The following CLSTN2 variants were observed in gnomAD, a reference collection of about 807,000 sequenced individuals.
CLSTN2 encodes calsyntenin-2.
CLSTN2 carries 48 observed loss-of-function variants against 101.2 expected under a neutral mutation model. The ratio of observed to expected loss-of-function variants is 0.47; its 90% CI spans 0.38 to 0.60. The LOEUF (loss-of-function observed/expected upper bound fraction) is 0.60. Ranked by LOEUF, CLSTN2 falls within the 20% of genes least tolerant of loss-of-function variation. CLSTN2 has a pLI of 0.00. For synonymous variants in CLSTN2, 481 were observed against 463.6 expected (o/e 1.04, Z -0.48); for missense variants, 1,160 against 1,238.2 (o/e 0.94, Z 0.95).
At chr3:140,067,131 C>G (rs547105840) in intron 1 of CLSTN2, among the ~76,000 whole-genome samples, 1 of 152,208 alleles carries the variant, frequency 6.6e-6, no homozygotes, top group Admixed American at 6.5e-5. Context: ...AGTATACAAG[C>G]TCTCTGGGCC....
At chr3:140,292,246 G>C (rs1347179575) in intron 2 of CLSTN2, among the ~76,000 whole-genome samples, 1 of 152,136 alleles carries the variant, frequency 6.6e-6, no homozygotes, top group Non-Finnish European at 1.5e-5. Flanking sequence ...TGCATGTGCT[G>C]CTCCTCCTCC....
intron 2 of CLSTN2, among the ~76,000 whole-genome samples, chr3:140,252,885 T>C (rs1225972922): frequency 6.6e-6 from 1 of 151,716 alleles, no homozygotes; most frequent in East Asian, 1.9e-4. Flanking sequence ...ACCCAGCTCA[T>C]CTGATGAAAG....
At chr3:140,037,478 A>G (rs1001804019) in intron 1 of CLSTN2, among the ~76,000 whole-genome samples, 15 of 152,206 alleles carry the variant, frequency 9.9e-5, no homozygotes, top group Admixed American at 2.6e-4. Context: ...TATTTAAAAA[A>G]ATAATCTGGA....
Position 140,156,691 on chromosome 3 carries a change from T to C in CLSTN2, c.110-19260T>C, listed in dbSNP as rs72986188. The stretch of plus-strand genomic sequence containing the variant: ...AGGTGAGACTCCTCTGACAGTTGAC[T>C]TTGACTTGAGGACACTGTAGGTGTT... On this transcript the variant is annotated intron_variant, in intron 1 of 16. Coordinates refer to ENST00000458420, the MANE Select transcript of CLSTN2 (RefSeq NM_022131.3). Among the ~76,000 whole-genome samples, 1,494 of 152,310 alleles carry C rather than the reference T, an allele frequency of 9.8e-3. 17 individuals are homozygous for C. The highest frequency in any genetic ancestry group is 0.034 in the African/African-American group (1,421 of 41,560).
intron 2 of CLSTN2, among the ~76,000 whole-genome samples, chr3:140,321,942 C>T (rs1436758735): frequency 6.6e-6 from 1 of 152,168 alleles, no homozygotes; most frequent in Non-Finnish European, 1.5e-5. Context: ...AGCACTTGGA[C>T]CAGAGCATCC....
At chr3:140,556,683 T>C in intron 11 of CLSTN2, 22 bp downstream of exon 11, 1 of 1,609,464 alleles carries the variant, frequency 6.2e-7, no homozygotes, top group Non-Finnish European at 8.5e-7. Flanking sequence ...CTGGTCAGCC[T>C]GGGGCCAACT....
intron 1 of CLSTN2, among the ~76,000 whole-genome samples, chr3:140,174,850 A>G (rs2010296305): frequency 6.6e-6 from 1 of 152,194 alleles, no homozygotes; most frequent in South Asian, 2.1e-4. Context: ...GAGCCAAACC[A>G]TATCACTGGG....
intron 1 of CLSTN2, among the ~76,000 whole-genome samples, chr3:140,081,898 T>TA (rs2008605254): frequency 6.6e-6 from 1 of 152,320 alleles, no homozygotes; most frequent in African/African-American, 2.4e-5. Flanking sequence ...ACTTATTTTT[T>TA]ATTATATATA....
intron 2 of CLSTN2, among the ~76,000 whole-genome samples, chr3:140,385,375 T>C (rs1221668219): frequency 2.1e-5 from 3 of 144,226 alleles, no homozygotes; most frequent in African/African-American, 7.9e-5. Flanking sequence ...TTTTTTTTTT[T>C]TTTTTTTTTA....
intron 2 of CLSTN2, among the ~76,000 whole-genome samples, chr3:140,279,841 C>T (rs2086828397): frequency 6.6e-6 from 1 of 152,228 alleles, no homozygotes; most frequent in Admixed American, 6.5e-5. Flanking sequence ...AATTAGACCT[C>T]CTTCTCATGC....
At chr3:140,075,367 T>A (rs1457957553) in intron 1 of CLSTN2, among the ~76,000 whole-genome samples, 1 of 152,202 alleles carries the variant, frequency 6.6e-6, no homozygotes, top group Non-Finnish European at 1.5e-5. Flanking sequence ...ACATATCTCA[T>A]AGAACTCGAA....
chr3:140,187,896 C>T (rs569358210), intron 2 of CLSTN2, among the ~76,000 whole-genome samples: 15 of 152,260 alleles, frequency 9.9e-5, no homozygotes, highest in African/African-American at 3.4e-4. Context: ...ATAATTCCAC[C>T]TGCTCCATAT....
chr3:140,334,468 A>G lies in CLSTN2; in HGVS notation c.233-69161A>G, dbSNP rs58723445. On this transcript the variant is annotated intron_variant, in intron 2 of 16. Transcript: ENST00000458420. The stretch of plus-strand genomic sequence containing the variant: ...TACTAGTACATTTGCTTTTCTGTGA[A>G]TAGTGAGCACACAATATTTGCTAAA... 1.2e-4 allele frequency among the ~76,000 whole-genome samples: 18 copies of G among 152,364 alleles called. 1 individual carries two copies. The East Asian group carries it at 3.1e-3, about 26-fold the overall frequency.
intron 8 of CLSTN2, among the ~76,000 whole-genome samples, chr3:140,527,486 G>C (rs905586476): frequency 6.6e-6 from 1 of 152,160 alleles, no homozygotes; most frequent in African/African-American, 2.4e-5. Context: ...ATGCAAACTA[G>C]TTCAGCCACT....
intron 2 of CLSTN2, among the ~76,000 whole-genome samples, chr3:140,241,890 C>A (rs1283543742): frequency 6.7e-6 from 1 of 149,514 alleles, no homozygotes; most frequent in Non-Finnish European, 1.5e-5. Context: ...TACACACACA[C>A]ACACACACAC....
intron 10 of CLSTN2, 53 bp downstream of exon 10, chr3:140,546,734 G>A: frequency 1.3e-6 from 2 of 1,482,816 alleles, no homozygotes; most frequent in Non-Finnish European, 9.1e-7. Context: ...ATGATGCCCA[G>A]CCTGCACAGC....
intron 5 of CLSTN2, among the ~76,000 whole-genome samples, chr3:140,431,621 T>C (rs1168465530): frequency 6.6e-6 from 1 of 152,178 alleles, no homozygotes; most frequent in Non-Finnish European, 1.5e-5. Context: ...CTCCTTCCCC[T>C]TCATTTCTTC....
At chr3:140,447,853 C>A (rs975165886) in intron 5 of CLSTN2, among the ~76,000 whole-genome samples, 3 of 152,166 alleles carry the variant, frequency 2.0e-5, no homozygotes, top group Non-Finnish European at 4.4e-5. Context: ...TGCACAAGTA[C>A]TACAATAAGT....
At chr3:140,523,972 A>C (rs349567) in intron 8 of CLSTN2, among the ~76,000 whole-genome samples, 38,981 of 152,054 alleles carry the variant, frequency 0.26, 6,760 homozygotes, top group African/African-American at 0.48. Flanking sequence ...CAATCAGTCA[A>C]CCCTCCATCC....
Sources: allele counts gnomAD v4.1 joint callset (sites outside exome capture counted in the v4.1 genomes callset), GRCh38; gene constraint gnomAD v4.1.1; transcripts MANE v1.5; gene names NCBI Gene and HGNC (gene_info 2026-07-23, HGNC 2026-07-21).